The following GUCY1A2 variants were observed in gnomAD, a reference collection of about 807,000 sequenced individuals.
The protein encoded by GUCY1A2 is guanylate cyclase soluble subunit alpha-2.
In GUCY1A2, 27 loss-of-function variants were observed where a neutral mutation model predicts 63.5. The ratio of observed to expected loss-of-function variants is 0.43; its 90% CI spans 0.31 to 0.59. The LOEUF (loss-of-function observed/expected upper bound fraction) is 0.59, where lower values mean the gene tolerates loss of function less well. Among genes scored for constraint, GUCY1A2 ranks in the 20% least tolerant of loss-of-function variants. The pLI, the probability that GUCY1A2 is intolerant of heterozygous loss-of-function variation, is 0.11. For synonymous variants in GUCY1A2, 364 were observed against 343.5 expected (o/e 1.06, Z -0.66); for missense variants, 768 against 913.3 (o/e 0.84, Z 2.05).
chr11:106,794,080 G>A (rs1864711054), intron 5 of GUCY1A2, among the ~76,000 whole-genome samples: 1 of 152,082 alleles, frequency 6.6e-6, no homozygotes, highest in Non-Finnish European at 1.5e-5. Flanking sequence ...AAATAGCCAA[G>A]ATGTAACATC....
At chr11:106,884,359 T>C (rs1859868886) in intron 4 of GUCY1A2, among the ~76,000 whole-genome samples, 1 of 152,146 alleles carries the variant, frequency 6.6e-6, no homozygotes, top group African/African-American at 2.4e-5. Flanking sequence ...GTTTGTATGT[T>C]ACATTAGACA....
intron 4 of GUCY1A2, among the ~76,000 whole-genome samples, chr11:106,890,426 G>T (rs930855936): frequency 6.6e-6 from 1 of 152,082 alleles, no homozygotes; most frequent in South Asian, 2.1e-4. Flanking sequence ...TGCTGGTTCT[G>T]GCTCTTTGAC....
intron 4 of GUCY1A2, chr11:106,827,251 G>A: frequency 3.2e-6 from 5 of 1,549,334 alleles, no homozygotes; most frequent in Admixed American, 1.7e-5. Flanking sequence ...CCTTCCTTCA[G>A]TTGTATATCT....
Position 106,875,274 on chromosome 11 carries a change from C to T in GUCY1A2, c.1206+64186G>A, listed in dbSNP as rs142044089. Among the ~76,000 whole-genome samples, 457 of 152,238 alleles carry T rather than the reference C, an allele frequency of 3.0e-3. 2 individuals carry two copies. Among genetic ancestry groups the T allele is most frequent in the Non-Finnish European group, 4.1e-3 (277 of 68,008 alleles). On this transcript the variant is annotated intron_variant, in intron 4 of 7. Coordinates refer to ENST00000526355, the MANE Select transcript of GUCY1A2 (RefSeq NM_000855.3). ...CAGGCAGCTGAAGGGGAAAACTCAA[C>T]ACCATGACAAACATGCCACAGAGGG...
chr11:106,886,478 T>C (rs1174125633), intron 4 of GUCY1A2, among the ~76,000 whole-genome samples: 1 of 152,186 alleles, frequency 6.6e-6, no homozygotes, highest in Non-Finnish European at 1.5e-5. Context: ...CAGTGACTCA[T>C]GCACAAACCT....
At chr11:107,013,153 G>A (rs1402688488) in intron 1 of GUCY1A2, among the ~76,000 whole-genome samples, 1 of 151,926 alleles carries the variant, frequency 6.6e-6, no homozygotes, top group Non-Finnish European at 1.5e-5. Context: ...CAACTCCACA[G>A]GTCAGTAGCT....
intron 7 of GUCY1A2, among the ~76,000 whole-genome samples, chr11:106,688,635 C>A (rs947170997): frequency 1.3e-5 from 2 of 151,944 alleles, no homozygotes; most frequent in Admixed American, 6.6e-5. Context: ...TTTAAAAAAA[C>A]CCAATAAATG....
intron 4 of GUCY1A2, among the ~76,000 whole-genome samples, chr11:106,885,951 A>C (rs1270706287): frequency 6.6e-6 from 1 of 152,170 alleles, no homozygotes. Flanking sequence ...CCCCCTACAC[A>C]TACAGAGAGA....
chr11:106,812,940 T>C (rs1471091388), intron 4 of GUCY1A2, among the ~76,000 whole-genome samples: 3 of 152,010 alleles, frequency 2.0e-5, no homozygotes, highest in Admixed American at 1.3e-4. Flanking sequence ...AATGGCACCA[T>C]TTGTATCTCT....
chr11:106,925,131 C>T (rs374062576), intron 4 of GUCY1A2, among the ~76,000 whole-genome samples: 1 of 151,734 alleles, frequency 6.6e-6, no homozygotes, highest in African/African-American at 2.4e-5. Context: ...TATCAAAGTC[C>T]ATTAAAATCC....
At chr11:106,749,563 G>C (rs1863849335) in intron 6 of GUCY1A2, among the ~76,000 whole-genome samples, 1 of 152,052 alleles carries the variant, frequency 6.6e-6, no homozygotes, top group Admixed American at 6.6e-5. Context: ...GCCTGGAAGT[G>C]AGAAGGAGTT....
At chr11:106,748,089 A>C (rs977854892) in intron 6 of GUCY1A2, among the ~76,000 whole-genome samples, 2 of 152,212 alleles carry the variant, frequency 1.3e-5, no homozygotes, top group African/African-American at 4.8e-5. Context: ...GAAAGAATAA[A>C]GAAGTTTCTT....
intron 6 of GUCY1A2, among the ~76,000 whole-genome samples, chr11:106,744,855 A>ATGAT (rs2135381119): frequency 6.6e-6 from 1 of 152,298 alleles, no homozygotes; most frequent in Non-Finnish European, 1.5e-5. Context: ...AACATGGATA[A>ATGAT]TGATTGACTT....
rs182683237 is a variant in GUCY1A2, at chr11:106,812,538, C to T, written c.1207-2060G>A. Among the ~76,000 whole-genome samples the T allele has an allele frequency of 1.6e-3, 236 of 151,854 alleles. 1 individual carries two copies. The highest frequency in any genetic ancestry group is 5.4e-3 in the African/African-American group (226 of 41,488). The stretch of plus-strand genomic sequence containing the variant: ...TCCTAGGTATCAACTTTAACATTTA[C>T]CATCACAACTAGACCTTATTCTCTT... On this transcript the variant is annotated intron_variant, in intron 4 of 7. Transcript: ENST00000526355.
chr11:106,709,485 T>TATATAAATATATAATTA (rs1863008493), intron 6 of GUCY1A2, among the ~76,000 whole-genome samples: 1 of 55,346 alleles, frequency 1.8e-5, no homozygotes, highest in Non-Finnish European at 2.8e-5. Context: ...TTATTATATA[T>TATATAAATATATAATTA]TTATATATAT....
At chr11:106,787,146 A>G (rs1864570096) in intron 5 of GUCY1A2, among the ~76,000 whole-genome samples, 1 of 151,732 alleles carries the variant, frequency 6.6e-6, no homozygotes, top group African/African-American at 2.4e-5. Flanking sequence ...GTGGGTACAC[A>G]GTATATATTA....
intron 3 of GUCY1A2, among the ~76,000 whole-genome samples, chr11:106,973,331 C>T (rs927043611): frequency 4.6e-5 from 7 of 152,070 alleles, no homozygotes; most frequent in African/African-American, 1.7e-4. Flanking sequence ...TTTACTATAG[C>T]ATAGCTATGA....
intron 7 of GUCY1A2, among the ~76,000 whole-genome samples, chr11:106,696,871 A>G (rs1862729396): frequency 6.6e-6 from 1 of 152,182 alleles, no homozygotes; most frequent in Non-Finnish European, 1.5e-5. Flanking sequence ...TAGGCTCAGT[A>G]TATCTAATCT....
intron 6 of GUCY1A2, among the ~76,000 whole-genome samples, chr11:106,752,712 G>A (rs1863905355): frequency 6.6e-6 from 1 of 152,118 alleles, no homozygotes; most frequent in African/African-American, 2.4e-5. Flanking sequence ...TGGCTGCATA[G>A]TATTCCTTGG....
Sources: allele counts gnomAD v4.1 joint callset (sites outside exome capture counted in the v4.1 genomes callset), GRCh38; gene constraint gnomAD v4.1.1; transcripts MANE v1.5; gene names NCBI Gene and HGNC (gene_info 2026-07-23, HGNC 2026-07-21).